Variants in CRYBG3 observed in about 807,000 individuals in gnomAD.
CRYBG3 encodes the protein crystallin beta-gamma domain containing 3.
CRYBG3 carries 127 observed loss-of-function variants against 244.2 expected under a neutral mutation model. The ratio of observed to expected loss-of-function variants is 0.52; its 90% CI spans 0.45 to 0.60. CRYBG3 has a LOEUF of 0.60. Ranked by LOEUF, CRYBG3 falls within the 20% of genes least tolerant of loss-of-function variation. CRYBG3 has a pLI of 0.00. For synonymous variants in CRYBG3, 1,132 were observed against 1,195.8 expected (o/e 0.95, Z 1.10); for missense variants, 3,325 against 3,442.5 (o/e 0.97, Z 0.85).
intron 6 of CRYBG3, 79 bp from the exon 7 acceptor site, chr3:97,880,993 G>C: frequency 8.4e-7 from 1 of 1,185,434 alleles, no homozygotes; most frequent in Non-Finnish European, 1.1e-6. Flanking sequence ...AATTTAAGTA[G>C]ACAAAATGGT....
chr3:97,931,271 A>G (rs1266118841), intron 17 of CRYBG3, among the ~76,000 whole-genome samples: 1 of 152,112 alleles, frequency 6.6e-6, no homozygotes, highest in Non-Finnish European at 1.5e-5. Flanking sequence ...CCAAACAGCC[A>G]TATCTCAGTC....
intron 15 of CRYBG3, among the ~76,000 whole-genome samples, chr3:97,910,799 C>A (rs1057281592): frequency 6.6e-6 from 1 of 152,224 alleles, no homozygotes; most frequent in African/African-American, 2.4e-5. Context: ...AAAGATATTT[C>A]TATGCAGGAG....
chr3:97,878,123 T>A, intron 4 of CRYBG3, 86 bp downstream of exon 4: 1 of 1,287,788 alleles, frequency 7.8e-7, no homozygotes, highest in Non-Finnish European at 1.1e-6. Context: ...GAAAAGTCAA[T>A]GTTTTGGCCA....
intron 2 of CRYBG3, among the ~76,000 whole-genome samples, chr3:97,854,993 T>G (rs751829955): frequency 2.0e-5 from 3 of 152,164 alleles, no homozygotes; most frequent in Non-Finnish European, 4.4e-5. Flanking sequence ...GGATTTGTCA[T>G]ATATGGCCTT....
At chr3:97,908,240 A>G (rs547991577) in intron 15 of CRYBG3, among the ~76,000 whole-genome samples, 49 of 152,060 alleles carry the variant, frequency 3.2e-4, no homozygotes, top group African/African-American at 1.2e-3. Context: ...TGGGGTGGAG[A>G]GTTCTGTAGA....
At position 97,875,770 on chromosome 3, in the gene CRYBG3, C is replaced by G; in HGVS notation, c.4576C>G (p.His1526Asp). Reference protein sequence around the residue: ...PLAMSDVGKVHKKDNEINIGK... With the variant: ...PLAMSDVGKVDKKDNEINIGK... Reference sequence around the variant, plus strand: ...TGCAATGTCAGATGTAGGGAAAGTACACAAGAAGGATAATGAAATAAATAT... The same window carrying G: ...TGCAATGTCAGATGTAGGGAAAGTAGACAAGAAGGATAATGAAATAAATAT... The change falls in exon 4 of 22, where the codon CAC becomes GAC. Residue 1526 changes from histidine to aspartate, a missense_variant. By Grantham distance (81) the His-to-Asp change is moderately conservative (BLOSUM62 -1). Transcript: ENST00000389622. The G allele has an allele frequency of 8.1e-7, 1 of 1,231,724 alleles. No individual in the cohort carries two copies. The allele number at this position is 1,231,724 out of a possible 1,614,324, so 76.3% of individuals were successfully genotyped here. A position where few individuals can be genotyped will look rare whatever the true frequency, so the allele number is the denominator to read the frequency against.
chr3:97,898,832 C>G (rs1396489124), intron 12 of CRYBG3, 51 bp from the exon 13 acceptor site: 10 of 1,339,304 alleles, frequency 7.5e-6, no homozygotes, highest in Non-Finnish European at 9.2e-6. Context: ...AATAGCAGTC[C>G]ATAAAACAGA....
At chr3:97,835,948 G>A (rs367652958) in intron 1 of CRYBG3, among the ~76,000 whole-genome samples, 32 of 152,124 alleles carry the variant, frequency 2.1e-4, no homozygotes, top group African/African-American at 7.5e-4. Context: ...GAGGTGGACG[G>A]AGAACTTGGG....
intron 17 of CRYBG3, among the ~76,000 whole-genome samples, chr3:97,932,417 C>G (rs368454854): frequency 6.6e-6 from 1 of 152,062 alleles, no homozygotes; most frequent in Non-Finnish European, 1.5e-5. Context: ...TCATTCCACA[C>G]CCTTCACTGT....
At chr3:97,838,372 A>G (rs2038764583) in intron 1 of CRYBG3, among the ~76,000 whole-genome samples, 1 of 152,088 alleles carries the variant, frequency 6.6e-6, no homozygotes, top group Non-Finnish European at 1.5e-5. Flanking sequence ...ATGTCAGCTA[A>G]AGATAGAGAG....
chr3:97,936,177 G>T (rs2040162099), intron 18 of CRYBG3, among the ~76,000 whole-genome samples: 1 of 152,118 alleles, frequency 6.6e-6, no homozygotes, highest in South Asian at 2.1e-4. Context: ...GCATGACTGT[G>T]TTCCATTAAA....
chr3:97,838,764 A>T (rs1357218286), intron 1 of CRYBG3, among the ~76,000 whole-genome samples: 1 of 152,142 alleles, frequency 6.6e-6, no homozygotes, highest in Non-Finnish European at 1.5e-5. Flanking sequence ...ATTTTAAGAA[A>T]ATAATATCTC....
rs149758125 is a variant in CRYBG3 at position 97,851,428 on chromosome 3, A to G, written c.216+8167A>G. On this transcript the variant is annotated intron_variant, in intron 2 of 21. Transcript: ENST00000389622. The stretch of plus-strand genomic sequence containing the variant: ...AAGTATGTAAGATTATTGTTTACCT[A>G]CACCCTGTGGTGTCAAGGCAGACAT... Among the ~76,000 whole-genome samples the G allele has an allele frequency of 4.2e-3, 636 of 152,334 alleles. 7 individuals carry two copies. The highest frequency in any genetic ancestry group is 0.015 in the African/African-American group (614 of 41,572).
rs780270325 is a variant in CRYBG3 at position 97,881,213 on chromosome 3, C to A, written c.7146C>A (p.Val2382=). The change falls in exon 7 of 22, where the codon GTC becomes GTA. Residue 2382 remains valine (V), a synonymous_variant. Transcript: ENST00000389622. The part of the protein sequence containing the change: ...RNFILGSLKR[V]LKDCSIPEIE... ...TTATATTGGGTTCTCTCAAACGTGT[C>A]TTAAAGGTAACAACTGTAGATTTTT... 1 of 1,595,650 alleles carries A rather than the reference C, an allele frequency of 6.3e-7. No homozygotes were observed. Among genetic ancestry groups the A allele is most frequent in the Non-Finnish European group, 8.5e-7 (1 of 1,172,358 alleles).
chr3:97,825,209 TC>T (rs2038562632), intron 1 of CRYBG3, among the ~76,000 whole-genome samples: 1 of 152,212 alleles, frequency 6.6e-6, no homozygotes. Context: ...GATTTAAGGC[TC>T]AGAGAATTTT....
chr3:97,831,315 A>G (rs1207857149), intron 1 of CRYBG3, among the ~76,000 whole-genome samples: 2 of 152,202 alleles, frequency 1.3e-5, no homozygotes, highest in Admixed American at 1.3e-4. Context: ...TCTTCTTGTA[A>G]TATGATTCAG....
At chr3:97,826,330 A>G (rs2038575908) in intron 1 of CRYBG3, among the ~76,000 whole-genome samples, 1 of 152,218 alleles carries the variant, frequency 6.6e-6, no homozygotes, top group South Asian at 2.1e-4. Context: ...TTAAAGTTGC[A>G]AAGGTACCAC....
intron 7 of CRYBG3, among the ~76,000 whole-genome samples, chr3:97,882,596 A>C (rs943904327): frequency 1.1e-4 from 16 of 152,190 alleles, no homozygotes; most frequent in African/African-American, 3.9e-4. Flanking sequence ...ATGTATTCTT[A>C]AGATTTCCTT....
intron 15 of CRYBG3, among the ~76,000 whole-genome samples, chr3:97,906,166 A>T (rs2039772518): frequency 1.4e-5 from 2 of 147,616 alleles, no homozygotes; most frequent in South Asian, 2.2e-4. Context: ...TATCGTTTGA[A>T]GTCAGGTAGT....
Sources: allele counts gnomAD v4.1 joint callset (sites outside exome capture counted in the v4.1 genomes callset), GRCh38; gene constraint gnomAD v4.1.1; transcripts MANE v1.5; gene names NCBI Gene and HGNC (gene_info 2026-07-23, HGNC 2026-07-21).